Variants in ZCCHC7 observed in about 807,000 individuals in gnomAD.
ZCCHC7 encodes zinc finger CCHC domain-containing protein 7.
Under a neutral mutation model 52.0 loss-of-function variants are expected in ZCCHC7, and 35 were observed. That is an observed-to-expected ratio of 0.67 (90% CI 0.51 to 0.89). ZCCHC7 has a LOEUF of 0.89. Among genes scored for constraint, ZCCHC7 ranks in the 40% least tolerant of loss-of-function variants. The pLI, the probability that ZCCHC7 is intolerant of heterozygous loss-of-function variation, is 0.00. For synonymous variants in ZCCHC7, 217 were observed against 221.5 expected (o/e 0.98, Z 0.18); for missense variants, 574 against 649.1 (o/e 0.88, Z 1.26).
intron 2 of ZCCHC7, among the ~76,000 whole-genome samples, chr9:37,181,840 T>TTA (rs1312605864): frequency 6.6e-6 from 1 of 152,152 alleles, no homozygotes; most frequent in Admixed American, 6.5e-5. Context: ...TGATTTTTCT[T>TTA]TATTTTTATA....
chr9:37,191,723 A>G (rs780739980), intron 2 of ZCCHC7, among the ~76,000 whole-genome samples: 1 of 152,266 alleles, frequency 6.6e-6, no homozygotes, highest in Non-Finnish European at 1.5e-5. Flanking sequence ...GAACGCAAAC[A>G]TGAATCAAAA....
chr9:37,294,703 A>G (rs1828702130), intron 2 of ZCCHC7, among the ~76,000 whole-genome samples: 1 of 152,254 alleles, frequency 6.6e-6, no homozygotes, highest in South Asian at 2.1e-4. Flanking sequence ...GTCCATATGA[A>G]TGTTTCCTTT....
chr9:37,280,356 C>T (rs1360344298), intron 2 of ZCCHC7, among the ~76,000 whole-genome samples: 1 of 152,144 alleles, frequency 6.6e-6, no homozygotes, highest in Non-Finnish European at 1.5e-5. Context: ...CATAGAAGAT[C>T]AGAGTAATAC....
intron 5 of ZCCHC7, among the ~76,000 whole-genome samples, chr9:37,309,051 T>G (rs770062916): frequency 6.6e-6 from 1 of 151,588 alleles, no homozygotes; most frequent in Non-Finnish European, 1.5e-5. Context: ...AAAATAGGGT[T>G]GGGCTGTGAC....
At chr9:37,345,717 CT>C (rs1197854609) in intron 6 of ZCCHC7, among the ~76,000 whole-genome samples, 5 of 128,948 alleles carry the variant, frequency 3.9e-5, no homozygotes, top group African/African-American at 8.3e-5. Context: ...AAGACTCCAT[CT>C]CAAAAAAAAA....
intron 7 of ZCCHC7, among the ~76,000 whole-genome samples, chr9:37,353,840 AAAC>A (rs1480454703): frequency 7.2e-5 from 11 of 152,198 alleles, no homozygotes; most frequent in African/African-American, 2.4e-4. Context: ...CTTAGCTAAG[AAAC>A]AACATTTTAA....
intron 1 of ZCCHC7, chr9:37,121,509 G>T (rs1314619918): frequency 6.6e-6 from 1 of 152,176 alleles, no homozygotes; most frequent in African/African-American, 2.4e-5. Flanking sequence ...GACCGTTAGA[G>T]AAATGACTTC....
chr9:37,178,541 TAAAC>T lies in ZCCHC7; in HGVS notation c.610+51600_610+51603del, dbSNP rs552286837. ...AAGAAAACTCACAATGGTTGGCAAA[TAAAC>T]CTCTATATTTCAAAGGTTATTGTGA... is the stretch of plus-strand genomic sequence containing the variant. On this transcript the variant is annotated intron_variant, in intron 2 of 8. Coordinates refer to ENST00000336755, the MANE Select transcript of ZCCHC7 (RefSeq NM_032226.3). Among the ~76,000 whole-genome samples, 239 of 151,954 alleles carry T rather than the reference TAAAC, an allele frequency of 1.6e-3. 1 individual carries two copies. The highest frequency in any genetic ancestry group is 3.0e-3 in the Non-Finnish European group (204 of 67,962).
chr9:37,324,585 C>T (rs960374446), intron 5 of ZCCHC7, among the ~76,000 whole-genome samples: 4 of 152,162 alleles, frequency 2.6e-5, no homozygotes, highest in African/African-American at 7.2e-5. Flanking sequence ...CATTTTCTCC[C>T]GGGGAGCCAC....
intron 2 of ZCCHC7, among the ~76,000 whole-genome samples, chr9:37,127,756 A>T (rs1229212553): frequency 1.3e-5 from 2 of 152,170 alleles, no homozygotes; most frequent in Admixed American, 6.5e-5. Context: ...AAAATTTTTA[A>T]TGGCAGCCTG....
rs557736252 is a variant in ZCCHC7, at chr9:37,205,581, A to G, written c.610+78639A>G. 1.6e-3 allele frequency among the ~76,000 whole-genome samples: 244 copies of G among 151,846 alleles called. 1 individual carries two copies. Among genetic ancestry groups the G allele is most frequent in the African/African-American group, 5.6e-3 (234 of 41,532 alleles). ...GCCCAGGTTGCAATGCAGAGGCACA[A>G]TCTCAGCTCACTGCAACCTCCACCT... On this transcript the variant is annotated intron_variant, in intron 2 of 8. Coordinates refer to ENST00000336755, the MANE Select transcript of ZCCHC7 (RefSeq NM_032226.3).
At chr9:37,285,081 T>C (rs779700494) in intron 2 of ZCCHC7, among the ~76,000 whole-genome samples, 3 of 152,160 alleles carry the variant, frequency 2.0e-5, no homozygotes, top group East Asian at 1.9e-4. Flanking sequence ...TTTATTTATA[T>C]AGAGATTTTG....
intron 4 of ZCCHC7, among the ~76,000 whole-genome samples, chr9:37,305,210 T>G (rs1829243348): frequency 6.6e-6 from 1 of 152,218 alleles, no homozygotes; most frequent in Non-Finnish European, 1.5e-5. Context: ...CAAAACAGCT[T>G]CTTCTGTATC....
At chr9:37,352,572 G>A (rs913017650) in intron 7 of ZCCHC7, among the ~76,000 whole-genome samples, 1 of 141,168 alleles carries the variant, frequency 7.1e-6, no homozygotes, top group Non-Finnish European at 1.5e-5. Context: ...AGGCTGGAGT[G>A]CAGTGGCGCA....
At chr9:37,356,740 C>A in intron 8 of ZCCHC7, 95 bp from the exon 9 acceptor site, 1 of 1,162,342 alleles carries the variant, frequency 8.6e-7, no homozygotes, top group East Asian at 2.5e-5. Context: ...GTTTAAATAT[C>A]TAGCTTCCCT....
chr9:37,208,489 G>A (rs150529647), intron 2 of ZCCHC7, among the ~76,000 whole-genome samples: 149 of 152,294 alleles, frequency 9.8e-4, no homozygotes, highest in African/African-American at 3.4e-3. Flanking sequence ...AGAAGGGTGA[G>A]AGCAAGTTTA....
chr9:37,222,687 G>T (rs1291253367), intron 2 of ZCCHC7, among the ~76,000 whole-genome samples: 1 of 152,022 alleles, frequency 6.6e-6, no homozygotes, highest in Non-Finnish European at 1.5e-5. Flanking sequence ...AACTACATCT[G>T]CATGAACACC....
intron 5 of ZCCHC7, 135 bp downstream of exon 5, chr9:37,305,849 A>G (rs1206025310): frequency 1.1e-4 from 82 of 737,520 alleles, no homozygotes; most frequent in Non-Finnish European, 1.5e-4. Context: ...ATATATATAT[A>G]TAGTCATGTC....
intron 2 of ZCCHC7, among the ~76,000 whole-genome samples, chr9:37,173,612 G>GT (rs1281029531): frequency 1.3e-5 from 2 of 152,030 alleles, no homozygotes; most frequent in African/African-American, 4.8e-5. Flanking sequence ...CAGCACGTTT[G>GT]TTTTTTTGGG....
Sources: allele counts gnomAD v4.1 joint callset (sites outside exome capture counted in the v4.1 genomes callset), GRCh38; gene constraint gnomAD v4.1.1; transcripts MANE v1.5; gene names NCBI Gene and HGNC (gene_info 2026-07-23, HGNC 2026-07-21).